The following RBFOX1 variants were observed in gnomAD, a reference collection of about 807,000 sequenced individuals.
RBFOX1 encodes the protein RNA binding protein fox-1 homolog 1.
In RBFOX1, 8 loss-of-function variants were observed where a neutral mutation model predicts 57.7. That is an observed-to-expected ratio of 0.14 (90% CI 0.08 to 0.25). RBFOX1 has a LOEUF of 0.25. RBFOX1 is among the 10% of genes least tolerant of loss of function. The probability of loss-of-function intolerance (pLI) is 1.00; values close to 1 mark genes in which losing one functional copy is unlikely to be tolerated. For missense variants in RBFOX1, 611 were observed against 548.5 expected (o/e 1.11, Z -1.14); for synonymous variants, 326 against 222.4 (o/e 1.47, Z -4.15).
intron 2 of RBFOX1, among the ~76,000 whole-genome samples, chr16:6,318,791 C>A (rs2081406822): frequency 6.6e-6 from 1 of 151,774 alleles, no homozygotes; most frequent in African/African-American, 2.4e-5. Context: ...TGCTCTAAAC[C>A]AGTGAGCAGA....
At chr16:6,084,842 G>C (rs776153314) in intron 1 of RBFOX1, among the ~76,000 whole-genome samples, 6 of 152,146 alleles carry the variant, frequency 3.9e-5, no homozygotes, top group Non-Finnish European at 8.8e-5. Context: ...GAGTGATTAA[G>C]TAATTTTGAC....
intron 3 of RBFOX1, among the ~76,000 whole-genome samples, chr16:6,702,797 C>A (rs1413853676): frequency 6.6e-6 from 1 of 152,154 alleles, no homozygotes; most frequent in Admixed American, 6.5e-5. Flanking sequence ...ACCACCTTAG[C>A]CATTTTAAAT....
intron 3 of RBFOX1, among the ~76,000 whole-genome samples, chr16:6,712,723 C>T (rs940374481): frequency 5.3e-5 from 8 of 152,092 alleles, no homozygotes; most frequent in African/African-American, 1.9e-4. Flanking sequence ...TTCTCCCCAC[C>T]TCCCCTCCTA....
At chr16:5,895,159 C>A (rs1460045835) in intron 4 of RBFOX1, among the ~76,000 whole-genome samples, 1 of 152,180 alleles carries the variant, frequency 6.6e-6, no homozygotes, top group Non-Finnish European at 1.5e-5. Flanking sequence ...ATAAGATTGT[C>A]CATATCAACA....
intron 3 of RBFOX1, among the ~76,000 whole-genome samples, chr16:6,999,178 T>TATTTTATTTTATTTC (rs1361229049): frequency 6.3e-5 from 6 of 94,548 alleles, no homozygotes; most frequent in Non-Finnish European, 1.5e-4. Flanking sequence ...CTTTTTATTT[T>TATTTTATTTTATTTC]ATTTTATTTT....
chr16:6,935,432 C>G (rs541358671), intron 3 of RBFOX1, among the ~76,000 whole-genome samples: 2 of 152,124 alleles, frequency 1.3e-5, no homozygotes, highest in Admixed American at 6.5e-5. Context: ...AAATCTTTTT[C>G]TCTCTCTTCT....
chr16:5,768,195 C>G (rs917986650), intron 3 of RBFOX1, among the ~76,000 whole-genome samples: 1 of 152,098 alleles, frequency 6.6e-6, no homozygotes, highest in Non-Finnish European at 1.5e-5. Context: ...ACCTCCATGC[C>G]TAGTTTTTGG....
chr16:5,867,733 A>G (rs2057376753), intron 4 of RBFOX1, among the ~76,000 whole-genome samples: 1 of 151,388 alleles, frequency 6.6e-6, no homozygotes, highest in East Asian at 1.9e-4. Context: ...TATTTTTGGG[A>G]CAGAGTCTCA....
intron 3 of RBFOX1, among the ~76,000 whole-genome samples, chr16:5,708,762 C>G (rs1418190909): frequency 6.6e-6 from 1 of 152,148 alleles, no homozygotes; most frequent in East Asian, 1.9e-4. Context: ...TCAAACTGAG[C>G]CTGGGAGAGG....
At chr16:5,668,207 G>C (rs982882925) in intron 3 of RBFOX1, among the ~76,000 whole-genome samples, 3 of 152,272 alleles carry the variant, frequency 2.0e-5, no homozygotes, top group South Asian at 2.1e-4. Flanking sequence ...TTTGAACCCG[G>C]GAGGCGGAGG....
intron 4 of RBFOX1, among the ~76,000 whole-genome samples, chr16:7,188,982 T>G (rs986561805): frequency 6.6e-6 from 1 of 152,036 alleles, no homozygotes; most frequent in African/African-American, 2.4e-5. Context: ...CAAGGAAGGG[T>G]TGGTTCAAGA....
At chr16:6,743,598 G>A (rs59912739) in intron 3 of RBFOX1, among the ~76,000 whole-genome samples, 1 of 151,256 alleles carries the variant, frequency 6.6e-6, no homozygotes, top group African/African-American at 2.4e-5. Flanking sequence ...AAAAATTGAA[G>A]TGAGCATGGT....
intron 3 of RBFOX1, among the ~76,000 whole-genome samples, chr16:6,737,891 C>T (rs1296657745): frequency 6.6e-6 from 1 of 152,038 alleles, no homozygotes; most frequent in Non-Finnish European, 1.5e-5. Flanking sequence ...ATGGGGGAAG[C>T]CATGAAGCCT....
chr16:7,224,918 C>G (rs530298121), intron 4 of RBFOX1, among the ~76,000 whole-genome samples: 3 of 152,158 alleles, frequency 2.0e-5, no homozygotes, highest in African/African-American at 4.8e-5. Flanking sequence ...TAGAGAAGCA[C>G]TGTCCTAGTC....
At chr16:7,402,346 C>G (rs1441294035) in intron 4 of RBFOX1, among the ~76,000 whole-genome samples, 1 of 152,156 alleles carries the variant, frequency 6.6e-6, no homozygotes, top group Non-Finnish European at 1.5e-5. Context: ...TTCCTGAACT[C>G]CATTATCAAT....
intron 2 of RBFOX1, among the ~76,000 whole-genome samples, chr16:6,554,890 TGAGA>T (rs534036698): frequency 8.1e-4 from 123 of 152,230 alleles, no homozygotes; most frequent in African/African-American, 2.7e-3. Flanking sequence ...GTGCTGTAGC[TGAGA>T]AAGAAGCCCA....
At chr16:7,322,276 C>T in intron 4 of RBFOX1, among the ~76,000 whole-genome samples, 1 of 152,228 alleles carries the variant, frequency 6.6e-6, no homozygotes, top group Non-Finnish European at 1.5e-5. Flanking sequence ...TATGGGGTGC[C>T]TTAGCACCTG....
chr16:6,824,755 A>T (rs2091879764), intron 3 of RBFOX1, among the ~76,000 whole-genome samples: 1 of 152,074 alleles, frequency 6.6e-6, no homozygotes, highest in Non-Finnish European at 1.5e-5. Flanking sequence ...TTTCTTTAAA[A>T]ACTTTTCTGG....
chr16:6,981,765 C>T (rs916459792), intron 3 of RBFOX1, among the ~76,000 whole-genome samples: 1 of 152,126 alleles, frequency 6.6e-6, no homozygotes, highest in Non-Finnish European at 1.5e-5. Context: ...TATTTCCCGC[C>T]TGGTTCCCCC....
Sources: allele counts gnomAD v4.1 joint callset (sites outside exome capture counted in the v4.1 genomes callset), GRCh38; gene constraint gnomAD v4.1.1; transcripts MANE v1.5; gene names NCBI Gene and HGNC (gene_info 2026-07-23, HGNC 2026-07-21).